Variants in SLC10A7 observed in about 807,000 individuals in gnomAD.
The protein encoded by SLC10A7 is sodium/bile acid cotransporter 7.
In SLC10A7, 29 loss-of-function variants were observed where a neutral mutation model predicts 43.2. That is an observed-to-expected ratio of 0.67 (90% confidence interval 0.50 to 0.92). SLC10A7 has a LOEUF of 0.92. Ranked by LOEUF, SLC10A7 falls within the 40% of genes least tolerant of loss-of-function variation. The pLI is 0.00. For missense variants in SLC10A7, 295 were observed against 403.2 expected (o/e 0.73, Z 2.30); for synonymous variants, 152 against 144.8 (o/e 1.05, Z -0.35).
intron 5 of SLC10A7, among the ~76,000 whole-genome samples, chr4:146,428,017 A>T (rs558689326): frequency 4.5e-4 from 67 of 148,766 alleles, no homozygotes; most frequent in African/African-American, 7.6e-4. Context: ...ACAAAAAATT[A>T]AAAAAAAAAA....
chr4:146,394,184 C>T (rs937554021), intron 5 of SLC10A7, among the ~76,000 whole-genome samples: 4 of 152,102 alleles, frequency 2.6e-5, no homozygotes, highest in East Asian at 1.9e-4. Context: ...CCCTAGATTT[C>T]GAATTCTCAT....
intron 5 of SLC10A7, among the ~76,000 whole-genome samples, chr4:146,385,330 T>A (rs1044623368): frequency 1.3e-5 from 2 of 152,120 alleles, no homozygotes; most frequent in African/African-American, 4.8e-5. Flanking sequence ...GTAACTGCGG[T>A]TTTTGCCATT....
intron 9 of SLC10A7, among the ~76,000 whole-genome samples, chr4:146,289,706 G>GTTTTTTTTT (rs776153195): frequency 3.4e-5 from 3 of 88,088 alleles, no homozygotes; most frequent in African/African-American, 9.3e-5. Flanking sequence ...CTGATTATTA[G>GTTTTTTTTT]TTTTTTTTTT....
chr4:146,376,138 G>A (rs1737180675), intron 5 of SLC10A7, among the ~76,000 whole-genome samples: 1 of 152,026 alleles, frequency 6.6e-6, no homozygotes, highest in African/African-American at 2.4e-5. Flanking sequence ...GCCCTTTCAG[G>A]ACACACCACA....
At position 146,254,012 on chromosome 4, in the gene SLC10A7, A is replaced by T. The variant is rs181431560; in HGVS notation, c.*2479T>A. On this transcript the variant is annotated 3_prime_UTR_variant, in exon 12 of 12. Coordinates refer to ENST00000335472, the MANE Select transcript of SLC10A7 (RefSeq NM_001029998.6). ...TTTCTGAAACATTCTTTGTTTAATC[A>T]TATAATTATTTTCATCTTCCAGTCA... 1 of 152,350 alleles carries T rather than the reference A, an allele frequency of 6.6e-6. No individual in the cohort carries two copies. The highest frequency in any genetic ancestry group is 6.5e-5 in the Admixed American group (1 of 15,304). The allele number at this position is 152,350 out of a possible 1,614,324, so 9.4% of individuals were successfully genotyped here.
chr4:146,309,900 T>C (rs993337261), intron 6 of SLC10A7, among the ~76,000 whole-genome samples: 4 of 152,156 alleles, frequency 2.6e-5, no homozygotes, highest in African/African-American at 9.7e-5. Flanking sequence ...AAGTTTGGGA[T>C]ATGGATTATC....
chr4:146,510,026 A>G lies in SLC10A7; in HGVS notation c.207T>C (p.His69=). 1 of 1,612,644 alleles carries G rather than the reference A, an allele frequency of 6.2e-7. No homozygotes were observed. Among genetic ancestry groups the G allele is most frequent in the Non-Finnish European group, 8.5e-7 (1 of 1,179,290 alleles). ...TCTGAATAAAAAGATGCAGTTTTAG[A>G]TGCACCAAAGCACTGGTCAGCTCCT... ...KTEELTSALV[H]LKLHLFIQIF... is the part of the protein sequence containing the mutation. Residue 69 remains histidine, a synonymous_variant, in exon 3 of 12, where the codon CAT becomes CAC. Transcript: ENST00000335472.
At chr4:146,413,575 T>A (rs537137243) in intron 5 of SLC10A7, among the ~76,000 whole-genome samples, 1 of 152,310 alleles carries the variant, frequency 6.6e-6, no homozygotes, top group Admixed American at 6.5e-5. Context: ...CTACTCAGGA[T>A]GAATTAAAGA....
chr4:146,520,731 C>T lies in SLC10A7; in HGVS notation c.100+887G>A, dbSNP rs554047261. Reference sequence around the variant, plus strand: ...CCGGTTGCATGAGTTAGGTATTAAACCTGTCAATAAGCTTGGAAACTGACA... The same window carrying T: ...CCGGTTGCATGAGTTAGGTATTAAATCTGTCAATAAGCTTGGAAACTGACA... On this transcript the variant is annotated intron_variant, in intron 1 of 11. Transcript: ENST00000335472. Among the ~76,000 whole-genome samples, 4 of 152,268 alleles carry T rather than the reference C, an allele frequency of 2.6e-5. No individual in the cohort carries two copies. The East Asian group carries it at 7.7e-4, about 29-fold the overall frequency.
intron 11 of SLC10A7, chr4:146,256,829 G>A (rs982048761): frequency 6.5e-7 from 1 of 1,533,206 alleles, no homozygotes; most frequent in African/African-American, 1.4e-5. Flanking sequence ...TGGATACCTG[G>A]AGGATGGACT....
chr4:146,258,452 A>G (rs1017497425), intron 11 of SLC10A7, among the ~76,000 whole-genome samples: 2 of 152,166 alleles, frequency 1.3e-5, no homozygotes, highest in African/African-American at 4.8e-5. Context: ...AATTCAAAAG[A>G]GCTTGTAAAA....
chr4:146,517,656 C>T (rs1257551550), intron 1 of SLC10A7, among the ~76,000 whole-genome samples: 1 of 152,038 alleles, frequency 6.6e-6, no homozygotes, highest in Admixed American at 6.6e-5. Flanking sequence ...ACAGTGTCTT[C>T]AGACCAGAAG....
rs1290297890 is a variant in SLC10A7 at position 146,357,852 on chromosome 4, TC to T, written c.436-31857del. Among the ~76,000 whole-genome samples, 3 of 152,066 alleles carry T rather than the reference TC, an allele frequency of 2.0e-5. No homozygotes were observed. The East Asian group carries it at 5.8e-4, about 29-fold the overall frequency. On this transcript the variant is annotated intron_variant, in intron 5 of 11. Coordinates refer to ENST00000335472, the MANE Select transcript of SLC10A7 (RefSeq NM_001029998.6). ...GAAGGGGAGAAGAGCTGCAAGTTCT[TC>T]CTTGGCCAGGCAAAGATGTGGCAGT... is the stretch of plus-strand genomic sequence containing the variant.
chr4:146,417,154 A>G (rs1052225830), intron 5 of SLC10A7, among the ~76,000 whole-genome samples: 1 of 152,202 alleles, frequency 6.6e-6, no homozygotes, highest in African/African-American at 2.4e-5. Flanking sequence ...TAGCCTCACT[A>G]TAGAGTAGGG....
At chr4:146,422,349 T>C (rs890553450) in intron 5 of SLC10A7, among the ~76,000 whole-genome samples, 1 of 152,256 alleles carries the variant, frequency 6.6e-6, no homozygotes, top group East Asian at 1.9e-4. Context: ...TAGAACATAA[T>C]TTAGAGGCCA....
rs915763529 is a variant in SLC10A7, at chr4:146,397,265, G to A, written c.435+45518C>T. Among the ~76,000 whole-genome samples the A allele has an allele frequency of 3.9e-5, 6 of 152,130 alleles. 1 individual carries two copies. The highest frequency in any genetic ancestry group is 4.8e-5 in the African/African-American group (2 of 41,514). ...GATGGTTTACTGTGTATTAAATAACGCTCATTTTAAAGCAGGGCCACTTGC... is the reference window on the plus strand; with the variant it reads ...GATGGTTTACTGTGTATTAAATAACACTCATTTTAAAGCAGGGCCACTTGC... On this transcript the variant is annotated intron_variant, in intron 5 of 11. Coordinates refer to ENST00000335472, the MANE Select transcript of SLC10A7 (RefSeq NM_001029998.6).
intron 5 of SLC10A7, among the ~76,000 whole-genome samples, chr4:146,347,024 G>A (rs912905714): frequency 2.6e-5 from 4 of 152,104 alleles, no homozygotes; most frequent in African/African-American, 9.7e-5. Flanking sequence ...GTTAAGGAAA[G>A]GCTGCTTACC....
intron 5 of SLC10A7, among the ~76,000 whole-genome samples, chr4:146,392,144 T>C (rs1738476970): frequency 6.6e-6 from 1 of 152,222 alleles, no homozygotes; most frequent in Non-Finnish European, 1.5e-5. Context: ...GCATTCATCA[T>C]GACATGCAAA....
intron 5 of SLC10A7, among the ~76,000 whole-genome samples, chr4:146,441,041 T>C (rs1730558932): frequency 6.6e-6 from 1 of 152,226 alleles, no homozygotes; most frequent in African/African-American, 2.4e-5. Flanking sequence ...TTTTTCTACA[T>C]GTCATCTCCA....
Sources: allele counts gnomAD v4.1 joint callset (sites outside exome capture counted in the v4.1 genomes callset), GRCh38; gene constraint gnomAD v4.1.1; transcripts MANE v1.5; gene names NCBI Gene and HGNC (gene_info 2026-07-23, HGNC 2026-07-21).